Variants in SCHIP1 observed in about 807,000 individuals in gnomAD.
The protein encoded by SCHIP1 is schwannomin-interacting protein 1.
In SCHIP1, 8 loss-of-function variants were observed where a neutral mutation model predicts 29.7. The ratio of observed to expected loss-of-function variants is 0.27; its 90% CI spans 0.16 to 0.49. SCHIP1 has a LOEUF of 0.49. SCHIP1 is among the 20% of genes least tolerant of loss of function. The pLI is 0.99. For synonymous variants in SCHIP1, 76 were observed against 94.9 expected (o/e 0.80, Z 1.16); for missense variants, 193 against 294.6 (o/e 0.66, Z 2.52).
chr3:159,759,742 T>C, the SCHIP1 span, among the ~76,000 whole-genome samples: 1 of 152,186 alleles, frequency 6.6e-6, no homozygotes, highest in Non-Finnish European at 1.5e-5. Context: ...GTAATTCATG[T>C]AATAAAGATG....
At chr3:159,432,339 TGAGAGAGAGA>T in the SCHIP1 span, among the ~76,000 whole-genome samples, 213 of 69,352 alleles carry the variant, frequency 3.1e-3, no homozygotes, top group South Asian at 7.2e-3. Flanking sequence ...TGTGTGTGTG[TGAGAGAGAGA>T]GAGAGAGAGA....
At chr3:159,308,489 C>T in the SCHIP1 span, among the ~76,000 whole-genome samples, 1 of 152,092 alleles carries the variant, frequency 6.6e-6, no homozygotes, top group Non-Finnish European at 1.5e-5. Context: ...CCATATTATA[C>T]TAATCAGAAT....
chr3:159,404,507 C>T, the SCHIP1 span, among the ~76,000 whole-genome samples: 1 of 152,150 alleles, frequency 6.6e-6, no homozygotes, highest in Non-Finnish European at 1.5e-5. Context: ...AAGTACTTGT[C>T]ACAGGTGTGG....
the SCHIP1 span, among the ~76,000 whole-genome samples, chr3:159,703,137 G>T: frequency 6.6e-6 from 1 of 152,184 alleles, no homozygotes; most frequent in Non-Finnish European, 1.5e-5. Context: ...TTAGAACCCA[G>T]TGTGGTACCT....
chr3:159,560,741 G>A, the SCHIP1 span, among the ~76,000 whole-genome samples: 1 of 149,710 alleles, frequency 6.7e-6, no homozygotes, highest in East Asian at 2.0e-4. Context: ...TCTCTTTCCT[G>A]CTGCTTAATG....
the SCHIP1 span, among the ~76,000 whole-genome samples, chr3:159,428,388 C>G: frequency 2.6e-5 from 4 of 151,620 alleles, no homozygotes; most frequent in East Asian, 7.8e-4. Flanking sequence ...GGGCAAAGGA[C>G]ATGAACAGAC....
chr3:159,664,195 T>TG, the SCHIP1 span, among the ~76,000 whole-genome samples: 164 of 152,308 alleles, frequency 1.1e-3, no homozygotes, highest in Middle Eastern at 6.8e-3. Flanking sequence ...CTTGGCACAG[T>TG]GCCCTTTCCC....
the SCHIP1 span, among the ~76,000 whole-genome samples, chr3:159,581,963 G>A: frequency 5.2e-4 from 79 of 152,106 alleles, no homozygotes; most frequent in African/African-American, 1.7e-3. Flanking sequence ...TTCCCTATAC[G>A]AAATCTTCAC....
At chr3:159,568,180 C>T in the SCHIP1 span, among the ~76,000 whole-genome samples, 7 of 152,014 alleles carry the variant, frequency 4.6e-5, no homozygotes, top group Non-Finnish European at 7.4e-5. Context: ...CTCTTATTAA[C>T]TCTAATAATT....
the SCHIP1 span, among the ~76,000 whole-genome samples, chr3:159,551,767 A>C: frequency 6.6e-6 from 1 of 152,152 alleles, no homozygotes. Flanking sequence ...AATTTGAATA[A>C]AATTGGCTAA....
At chr3:159,763,746 C>G in the SCHIP1 span, 1 of 152,280 alleles carries the variant, frequency 6.6e-6, no homozygotes, top group Non-Finnish European at 1.5e-5. Context: ...CCAGGCACAC[C>G]TTTTGGGGAG....
At chr3:159,333,777 G>A in the SCHIP1 span, among the ~76,000 whole-genome samples, 56,747 of 151,622 alleles carry the variant, frequency 0.37, 11,613 homozygotes, top group East Asian at 0.47. Context: ...CAGCTCTGTC[G>A]GTGGAAAAAA....
chr3:159,691,639 A>G, the SCHIP1 span, among the ~76,000 whole-genome samples: 1 of 152,034 alleles, frequency 6.6e-6, no homozygotes, highest in East Asian at 1.9e-4. Flanking sequence ...TGATCCTGTC[A>G]TTATGATTCT....
the SCHIP1 span, among the ~76,000 whole-genome samples, chr3:159,443,720 G>T: frequency 0.021 from 3,174 of 152,220 alleles, 97 homozygotes; most frequent in African/African-American, 0.068. Context: ...TGTTGGCCAG[G>T]ATGGTCTTGA....
At chr3:159,682,012 C>T in the SCHIP1 span, among the ~76,000 whole-genome samples, 224 of 151,852 alleles carry the variant, frequency 1.5e-3, 6 homozygotes, top group African/African-American at 5.3e-3. Flanking sequence ...TTACCCAAAC[C>T]ACATTCCACA....
At chr3:159,398,312 G>A in the SCHIP1 span, among the ~76,000 whole-genome samples, 1 of 152,094 alleles carries the variant, frequency 6.6e-6, no homozygotes, top group Admixed American at 6.6e-5. Context: ...GGGAGCTGTA[G>A]GCCAGAGCTG....
the SCHIP1 span, among the ~76,000 whole-genome samples, chr3:159,798,716 C>A: frequency 6.6e-6 from 1 of 152,050 alleles, no homozygotes; most frequent in Non-Finnish European, 1.5e-5. Flanking sequence ...CGATATCATG[C>A]CATTGCACTC....
At chr3:159,673,756 C>T in the SCHIP1 span, among the ~76,000 whole-genome samples, 2 of 152,082 alleles carry the variant, frequency 1.3e-5, no homozygotes, top group Non-Finnish European at 2.9e-5. Flanking sequence ...TGTTGTTTCC[C>T]ACCAGGAAAT....
At chr3:159,765,369 G>A in the SCHIP1 span, 15 of 493,602 alleles carry the variant, frequency 3.0e-5, no homozygotes, top group Admixed American at 1.7e-4. Flanking sequence ...AGCAGCCAGA[G>A]GGCAGCGGAA....
Sources: allele counts gnomAD v4.1 joint callset (sites outside exome capture counted in the v4.1 genomes callset), GRCh38; gene constraint gnomAD v4.1.1; transcripts MANE v1.5; gene names NCBI Gene and HGNC (gene_info 2026-07-23, HGNC 2026-07-21).